CRPPA: variants seen among roughly 807,000 people sequenced by gnomAD.
The protein encoded by CRPPA is CDP-L-ribitol pyrophosphorylase A, also known as D-ribitol-5-phosphate cytidylyltransferase.
Under a neutral mutation model 52.0 loss-of-function variants are expected in CRPPA, and 43 were observed. The observed-to-expected ratio is 0.83, with a 90% confidence interval of 0.65 to 1.07. CRPPA has a LOEUF of 1.07. Among genes scored for constraint, CRPPA ranks in the 50% least tolerant of loss-of-function variants. The pLI is 0.00. For synonymous variants in CRPPA, 250 were observed against 203.5 expected (o/e 1.23, Z -1.94); for missense variants, 629 against 551.7 (o/e 1.14, Z -1.40).
chr7:16,354,809 G>A (rs934598385), intron 3 of CRPPA, among the ~76,000 whole-genome samples: 2 of 152,092 alleles, frequency 1.3e-5, no homozygotes, highest in Admixed American at 6.5e-5. Flanking sequence ...AAATAATAGA[G>A]TTAGTCATCT....
At chr7:16,155,786 G>A (rs994577360) in intron 9 of CRPPA, among the ~76,000 whole-genome samples, 3 of 152,126 alleles carry the variant, frequency 2.0e-5, no homozygotes, top group African/African-American at 7.2e-5. Context: ...TTTTAACTGT[G>A]CAGTGGGTCA....
At chr7:16,390,275 C>A (rs1787408143) in intron 2 of CRPPA, among the ~76,000 whole-genome samples, 2 of 151,968 alleles carry the variant, frequency 1.3e-5, no homozygotes. Flanking sequence ...TAAATCAATT[C>A]TTTCGATATA....
intron 5 of CRPPA, among the ~76,000 whole-genome samples, chr7:16,286,287 T>C (rs1168692927): frequency 6.8e-6 from 1 of 147,556 alleles, no homozygotes; most frequent in African/African-American, 2.5e-5. Context: ...ATAAAGCAGA[T>C]GGCTTTTCAC....
chr7:16,308,051 C>T (rs1784952143), intron 4 of CRPPA, among the ~76,000 whole-genome samples: 1 of 152,058 alleles, frequency 6.6e-6, no homozygotes, highest in South Asian at 2.1e-4. Flanking sequence ...AGATTTCCGC[C>T]TTGGAGCTGT....
At chr7:16,292,061 C>G (rs546442994) in intron 5 of CRPPA, among the ~76,000 whole-genome samples, 1 of 152,012 alleles carries the variant, frequency 6.6e-6, no homozygotes, top group African/African-American at 2.4e-5. Flanking sequence ...TCATTGACAG[C>G]TGCTTATCTA....
At chr7:16,277,998 C>A in intron 6 of CRPPA, 131 bp downstream of exon 6, 1 of 643,014 alleles carries the variant, frequency 1.6e-6, no homozygotes, top group East Asian at 2.8e-5. Context: ...ACCAAAGGAT[C>A]TCATTGAGGC....
At chr7:16,382,806 C>A (rs1339394079) in intron 2 of CRPPA, among the ~76,000 whole-genome samples, 1 of 152,160 alleles carries the variant, frequency 6.6e-6, no homozygotes, top group African/African-American at 2.4e-5. Flanking sequence ...CTTCTGCATA[C>A]TTCACGTAGT....
intron 3 of CRPPA, among the ~76,000 whole-genome samples, chr7:16,342,798 T>G (rs77706224): frequency 0.29 from 29,547 of 101,100 alleles, 8,376 homozygotes; most frequent in South Asian, 0.5. Flanking sequence ...TATATATATA[T>G]CTATATAGAT....
intron 3 of CRPPA, among the ~76,000 whole-genome samples, chr7:16,365,393 C>G (rs1786565259): frequency 6.6e-6 from 1 of 152,186 alleles, no homozygotes; most frequent in African/African-American, 2.4e-5. Context: ...TTGTAATCAT[C>G]ATCTTACATC....
At chr7:16,405,571 C>G (rs1416728734) in intron 2 of CRPPA, among the ~76,000 whole-genome samples, 2 of 152,076 alleles carry the variant, frequency 1.3e-5, no homozygotes, top group African/African-American at 4.8e-5. Context: ...TACAATAGGT[C>G]TTTTGCTATC....
intron 9 of CRPPA, among the ~76,000 whole-genome samples, chr7:16,202,733 T>C (rs570077733): frequency 6.6e-6 from 1 of 152,190 alleles, no homozygotes. Flanking sequence ...ACGAATGTGA[T>C]AAAGGAAGCC....
At chr7:16,149,796 G>T (rs972161649) in intron 9 of CRPPA, among the ~76,000 whole-genome samples, 10 of 152,022 alleles carry the variant, frequency 6.6e-5, no homozygotes, top group African/African-American at 2.4e-4. Flanking sequence ...GACCAGCCTG[G>T]GCAACACGGT....
intron 9 of CRPPA, among the ~76,000 whole-genome samples, chr7:16,205,007 G>A (rs1442344067): frequency 6.6e-6 from 1 of 152,074 alleles, no homozygotes; most frequent in Non-Finnish European, 1.5e-5. Context: ...TTCTTATTAA[G>A]CCCCAAATAC....
At chr7:16,286,045 ATATATATATATAT>A (rs1562608436) in intron 5 of CRPPA, among the ~76,000 whole-genome samples, 910 of 7,602 alleles carry the variant, frequency 0.12, 77 homozygotes, top group East Asian at 0.23. Flanking sequence ...AAAAATATAA[ATATATATATATAT>A]ATATATATAT....
At chr7:16,164,749 C>T (rs1781013540) in intron 9 of CRPPA, among the ~76,000 whole-genome samples, 1 of 152,070 alleles carries the variant, frequency 6.6e-6, no homozygotes, top group African/African-American at 2.4e-5. Context: ...GTTAGTTTTC[C>T]TTCTAACAGG....
chr7:16,194,603 G>A (rs1781689515), intron 9 of CRPPA, among the ~76,000 whole-genome samples: 1 of 152,024 alleles, frequency 6.6e-6, no homozygotes, highest in South Asian at 2.1e-4. Flanking sequence ...AGCTAACTTT[G>A]GATTTACACC....
At chr7:16,418,201 G>C (rs1182530812) in intron 1 of CRPPA, among the ~76,000 whole-genome samples, 1 of 152,090 alleles carries the variant, frequency 6.6e-6, no homozygotes, top group Non-Finnish European at 1.5e-5. Flanking sequence ...GCTTTCTAAG[G>C]ACTTCCTAGG....
intron 9 of CRPPA, among the ~76,000 whole-genome samples, chr7:16,135,803 G>A (rs1455424037): frequency 6.6e-6 from 1 of 152,080 alleles, no homozygotes; most frequent in African/African-American, 2.4e-5. Flanking sequence ...AACAGTTGGG[G>A]CTTCAGTTGT....
At chr7:16,375,965 G>A in intron 3 of CRPPA, 127 bp downstream of exon 3, 1 of 871,492 alleles carries the variant, frequency 1.1e-6, no homozygotes. Flanking sequence ...ATACTTCATT[G>A]TAATAAGTCT....
Sources: gnomAD v4.1 joint callset for allele counts (sites outside exome capture counted in the v4.1 genomes callset) on GRCh38, gnomAD v4.1.1 for gene constraint, MANE v1.5 for transcripts, NCBI Gene and HGNC (gene_info 2026-07-23, HGNC 2026-07-21) for gene names.